Variants in MSI2 observed in about 807,000 individuals in gnomAD.
The protein encoded by MSI2 is RNA-binding protein Musashi homolog 2.
A neutral mutation model predicts 45.6 loss-of-function variants in MSI2; 17 were observed. The ratio of observed to expected loss-of-function variants is 0.37; its 90% confidence interval spans 0.26 to 0.56. MSI2 has a LOEUF of 0.56. Among genes scored for constraint, MSI2 ranks in the 20% least tolerant of loss-of-function variants. The pLI is 0.77. For synonymous variants in MSI2, 156 were observed against 158.2 expected (o/e 0.99, Z 0.11); for missense variants, 293 against 444.2 (o/e 0.66, Z 3.06).
chr17:57,554,295 G>A (rs1173286599), intron 7 of MSI2, among the ~76,000 whole-genome samples: 1 of 152,098 alleles, frequency 6.6e-6, no homozygotes, highest in Non-Finnish European at 1.5e-5. Flanking sequence ...TAGACTTGGT[G>A]CTCTCAAAGT....
At chr17:57,685,533 G>C (rs1913855718), downstream of MSI2, 1 of 152,164 alleles carries the variant, frequency 6.6e-6, no homozygotes, top group South Asian at 2.1e-4. Context: ...TGTAAAATGG[G>C]TCTTCCGGTG....
At chr17:57,361,083 G>A (rs912366644) in intron 5 of MSI2, among the ~76,000 whole-genome samples, 1 of 152,178 alleles carries the variant, frequency 6.6e-6, no homozygotes, top group Non-Finnish European at 1.5e-5. Flanking sequence ...TGGGGGGTAT[G>A]TTGTGCACAG....
rs72834954 is a variant in MSI2, at chr17:57,646,135, C to G, written c.728-5964C>G. ...CATTGACAGTCTTCTGTGGGGAAGA[C>G]TCTGGGCTAGGTCCTAAGTGGGACA... is the stretch of plus-strand genomic sequence containing the variant. On this transcript the variant is annotated intron_variant, in intron 10 of 13. Coordinates refer to ENST00000284073, the MANE Select transcript of MSI2 (RefSeq NM_138962.4). 3.9e-3 allele frequency among the ~76,000 whole-genome samples: 591 copies of G among 152,328 alleles called. 1 individual carries two copies. Among genetic ancestry groups the G allele is most frequent in the Non-Finnish European group, 7.0e-3 (474 of 68,014 alleles).
At chr17:57,602,957 G>A (rs890991694) in intron 8 of MSI2, among the ~76,000 whole-genome samples, 1 of 152,228 alleles carries the variant, frequency 6.6e-6, no homozygotes, top group Non-Finnish European at 1.5e-5. Context: ...AAGGGCCACT[G>A]CTAATGACAG....
chr17:57,457,666 A>G (rs2085141465), intron 6 of MSI2, among the ~76,000 whole-genome samples: 1 of 152,142 alleles, frequency 6.6e-6, no homozygotes, highest in South Asian at 2.1e-4. Context: ...AGGCTGAGGC[A>G]GGAGGATCAC....
intron 9 of MSI2, among the ~76,000 whole-genome samples, chr17:57,618,953 G>A (rs1484510565): frequency 1.3e-5 from 2 of 152,192 alleles, no homozygotes; most frequent in Admixed American, 6.5e-5. Flanking sequence ...GAGCATAAAG[G>A]CCCTACAGCA....
intron 5 of MSI2, among the ~76,000 whole-genome samples, chr17:57,351,280 G>A (rs1366176683): frequency 6.6e-6 from 1 of 152,124 alleles, no homozygotes; most frequent in Non-Finnish European, 1.5e-5. Context: ...TCTTGTGGGA[G>A]TGTAGGCTCA....
At chr17:57,469,972 T>A (rs2085402784) in intron 6 of MSI2, among the ~76,000 whole-genome samples, 1 of 152,202 alleles carries the variant, frequency 6.6e-6, no homozygotes, top group Non-Finnish European at 1.5e-5. Flanking sequence ...TGCCTCACGC[T>A]CTTTTCCCAG....
intron 8 of MSI2, among the ~76,000 whole-genome samples, chr17:57,609,234 A>T (rs981915999): frequency 3.3e-5 from 5 of 152,214 alleles, no homozygotes; most frequent in African/African-American, 1.2e-4. Flanking sequence ...GATCAGGCGC[A>T]AGACCAGGTC....
intron 7 of MSI2, among the ~76,000 whole-genome samples, chr17:57,592,950 G>T (rs77718815): frequency 6.6e-6 from 1 of 152,132 alleles, no homozygotes; most frequent in Admixed American, 6.5e-5. Context: ...TTCCATGGCC[G>T]GGAACTCAGC....
At chr17:57,643,364 C>T (rs1163039921) in intron 10 of MSI2, among the ~76,000 whole-genome samples, 1 of 152,198 alleles carries the variant, frequency 6.6e-6, no homozygotes, top group Non-Finnish European at 1.5e-5. Context: ...ATTCTCAAGC[C>T]GCAGAATCTG....
intron 5 of MSI2, among the ~76,000 whole-genome samples, chr17:57,348,299 G>A (rs1442970354): frequency 6.6e-6 from 1 of 152,154 alleles, no homozygotes; most frequent in Non-Finnish European, 1.5e-5. Context: ...TGTCCCTTGG[G>A]ACAAGAGGCC....
At chr17:57,528,414 C>G (rs756722020) in intron 6 of MSI2, among the ~76,000 whole-genome samples, 1 of 151,954 alleles carries the variant, frequency 6.6e-6, no homozygotes, top group African/African-American at 2.4e-5. Context: ...TTACAGGATG[C>G]GTGGGAGGGG....
At chr17:57,543,534 TA>T (rs1409616249) in intron 7 of MSI2, among the ~76,000 whole-genome samples, 1 of 152,216 alleles carries the variant, frequency 6.6e-6, no homozygotes, top group Admixed American at 6.5e-5. Flanking sequence ...GATCGAGTTC[TA>T]AATTTCCTCC....
intron 5 of MSI2, among the ~76,000 whole-genome samples, chr17:57,341,526 C>CT (rs948836241): frequency 4.6e-5 from 7 of 152,208 alleles, no homozygotes; most frequent in Non-Finnish European, 7.3e-5. Flanking sequence ...GACCAGGTTC[C>CT]TATTGTCAGT....
intron 13 of MSI2, 105 bp from the exon 14 acceptor site, chr17:57,679,444 A>T: frequency 2.1e-6 from 1 of 485,814 alleles, no homozygotes; most frequent in Non-Finnish European, 2.8e-6. Context: ...AACTCTAGTT[A>T]AAACAGTGGA....
chr17:57,404,316 A>C (rs975911493), intron 6 of MSI2, among the ~76,000 whole-genome samples: 1 of 152,188 alleles, frequency 6.6e-6, no homozygotes, highest in Non-Finnish European at 1.5e-5. Flanking sequence ...ACTGCTGATC[A>C]GTCCCCAAGA....
chr17:57,589,444 AGGTG>A (rs2144411114), intron 7 of MSI2, among the ~76,000 whole-genome samples: 1 of 152,264 alleles, frequency 6.6e-6, no homozygotes, highest in South Asian at 2.1e-4. Flanking sequence ...CTGCACTTCC[AGGTG>A]GGGCCTCAGA....
intron 7 of MSI2, among the ~76,000 whole-genome samples, chr17:57,534,528 A>T (rs1350290512): frequency 6.6e-6 from 1 of 152,144 alleles, no homozygotes; most frequent in African/African-American, 2.4e-5. Flanking sequence ...CCTGGCCAAC[A>T]TGGTGATACC....
Sources: gnomAD v4.1 joint callset for allele counts (sites outside exome capture counted in the v4.1 genomes callset) on GRCh38, gnomAD v4.1.1 for gene constraint, MANE v1.5 for transcripts, NCBI Gene and HGNC (gene_info 2026-07-23, HGNC 2026-07-21) for gene names.